MSI2: variants seen among roughly 807,000 people sequenced by gnomAD.
The protein encoded by MSI2 is musashi RNA binding protein 2, also known as RNA-binding protein Musashi homolog 2.
MSI2 carries 17 observed loss-of-function variants against 45.6 expected under a neutral mutation model. That is an observed-to-expected ratio of 0.37 (90% CI 0.26 to 0.56). MSI2 has a LOEUF of 0.56. MSI2 is among the 20% of genes least tolerant of loss of function. MSI2 has a pLI of 0.77. For synonymous variants in MSI2, 156 were observed against 158.2 expected (o/e 0.99, Z 0.11); for missense variants, 293 against 444.2 (o/e 0.66, Z 3.06).
chr17:57,618,173 G>C (rs935173774), intron 9 of MSI2: 3 of 152,072 alleles, frequency 2.0e-5, no homozygotes, highest in Non-Finnish European at 2.9e-5. Context: ...AGGAAAGCTT[G>C]AGCCCAGGAA....
At chr17:57,332,707 G>A (rs1480950291) in intron 5 of MSI2, among the ~76,000 whole-genome samples, 1 of 152,168 alleles carries the variant, frequency 6.6e-6, no homozygotes, top group South Asian at 2.1e-4. Flanking sequence ...GAAAGAGAGC[G>A]AGGCTGATTA....
At chr17:57,445,748 C>T (rs2084887520) in intron 6 of MSI2, among the ~76,000 whole-genome samples, 3 of 152,050 alleles carry the variant, frequency 2.0e-5, no homozygotes, top group South Asian at 2.1e-4. Context: ...GAATTCATAC[C>T]GAGTACTTAC....
chr17:57,445,446 T>A (rs2084879351), intron 6 of MSI2, among the ~76,000 whole-genome samples: 1 of 152,160 alleles, frequency 6.6e-6, no homozygotes, highest in Non-Finnish European at 1.5e-5. Flanking sequence ...CTGGGACTTT[T>A]GTCTGTCTAC....
chr17:57,534,917 A>G (rs1396707291), intron 7 of MSI2, among the ~76,000 whole-genome samples: 1 of 152,200 alleles, frequency 6.6e-6, no homozygotes, highest in Non-Finnish European at 1.5e-5. Context: ...GGATTTAATC[A>G]TTAGGAGGGG....
chr17:57,377,058 C>T (rs555945166), intron 5 of MSI2, among the ~76,000 whole-genome samples: 41 of 152,100 alleles, frequency 2.7e-4, no homozygotes, highest in African/African-American at 9.4e-4. Flanking sequence ...GTAGCTGGGA[C>T]TACAGGCGCC....
At chr17:57,350,434 A>T (rs1407853699) in intron 5 of MSI2, among the ~76,000 whole-genome samples, 2 of 152,146 alleles carry the variant, frequency 1.3e-5, no homozygotes. Flanking sequence ...CACTTGGAGT[A>T]CTGGATGGCC....
intron 6 of MSI2, among the ~76,000 whole-genome samples, chr17:57,417,308 C>G (rs886281802): frequency 2.6e-5 from 4 of 152,166 alleles, no homozygotes; most frequent in Non-Finnish European, 4.4e-5. Context: ...CCACACACCC[C>G]TGGATATCAC....
intron 5 of MSI2, among the ~76,000 whole-genome samples, chr17:57,336,428 C>G (rs990512569): frequency 2.0e-5 from 3 of 152,192 alleles, no homozygotes; most frequent in Non-Finnish European, 2.9e-5. Flanking sequence ...GGAGGAATGA[C>G]TCCATCTACT....
chr17:57,555,182 C>T (rs1001441026), intron 7 of MSI2, among the ~76,000 whole-genome samples: 1 of 152,220 alleles, frequency 6.6e-6, no homozygotes, highest in African/African-American at 2.4e-5. Flanking sequence ...CGGGCCCCAT[C>T]TCCCACACAT....
chr17:57,361,365 C>T lies in MSI2; in HGVS notation c.313-40014C>T, dbSNP rs116341293. ...CTTGTAAACCCAGTACTTTGGAAGGCCAAGGCGGGCAGATGGACTGAGCTC... is the reference window on the plus strand; with the variant it reads ...CTTGTAAACCCAGTACTTTGGAAGGTCAAGGCGGGCAGATGGACTGAGCTC... On this transcript the variant is annotated intron_variant, in intron 5 of 13. Coordinates refer to ENST00000284073, the MANE Select transcript of MSI2 (RefSeq NM_138962.4). 7.1e-3 allele frequency among the ~76,000 whole-genome samples: 1,077 copies of T among 151,968 alleles called. 14 individuals are homozygous for T. Among genetic ancestry groups the T allele is most frequent in the African/African-American group, 0.025 (1,029 of 41,388 alleles).
chr17:57,307,013 T>G (rs1911979018), intron 5 of MSI2, among the ~76,000 whole-genome samples: 1 of 152,258 alleles, frequency 6.6e-6, no homozygotes. Flanking sequence ...GAGGACTTGG[T>G]CTTTGATACA....
the MSI2 span, among the ~76,000 whole-genome samples, chr17:57,701,154 G>C: frequency 6.6e-6 from 1 of 152,154 alleles, no homozygotes; most frequent in African/African-American, 2.4e-5. Flanking sequence ...AGAGTGTTAG[G>C]AGGCAGCTGC....
At chr17:57,478,863 G>A (rs1459263776) in intron 6 of MSI2, among the ~76,000 whole-genome samples, 3 of 152,184 alleles carry the variant, frequency 2.0e-5, no homozygotes, top group Admixed American at 6.5e-5. Context: ...TTTAACCTGT[G>A]AGAGAGTCGC....
intron 5 of MSI2, among the ~76,000 whole-genome samples, chr17:57,334,449 A>C (rs957804988): frequency 3.9e-5 from 6 of 152,154 alleles, no homozygotes; most frequent in African/African-American, 1.4e-4. Flanking sequence ...GAGGACTGGC[A>C]GGGCAGCTGG....
chr17:57,654,214 G>A (rs1911412811), intron 11 of MSI2, among the ~76,000 whole-genome samples: 1 of 152,208 alleles, frequency 6.6e-6, no homozygotes, highest in Non-Finnish European at 1.5e-5. Flanking sequence ...GGTGTGTCAG[G>A]GGCTTGGGAT....
At chr17:57,434,924 G>A (rs1392539488) in intron 6 of MSI2, among the ~76,000 whole-genome samples, 1 of 152,066 alleles carries the variant, frequency 6.6e-6, no homozygotes, top group Non-Finnish European at 1.5e-5. Flanking sequence ...TTAGGCACTG[G>A]GGGATATAAG....
At chr17:57,262,031 G>C in intron 4 of MSI2, 120 bp from the exon 5 acceptor site, 1 of 1,054,064 alleles carries the variant, frequency 9.5e-7, no homozygotes, top group Admixed American at 2.1e-5. Flanking sequence ...AGTTGCCTGA[G>C]AAGTTACTAA....
chr17:57,458,349 C>T lies in MSI2; in HGVS notation c.405+56878C>T, dbSNP rs1406312103. On this transcript the variant is annotated intron_variant, in intron 6 of 13. Coordinates refer to ENST00000284073, the MANE Select transcript of MSI2 (RefSeq NM_138962.4). ...TCTCTTGACCTCGTGATCCACCCGC[C>T]TTGGCCTCCCAAAGTGCTGGGATTA... Among the ~76,000 whole-genome samples the T allele has an allele frequency of 2.6e-5, 4 of 152,296 alleles. No homozygotes were observed. The East Asian group carries it at 7.7e-4, about 29-fold the overall frequency.
intron 5 of MSI2, chr17:57,274,559 T>G (rs1185789942): frequency 2.0e-5 from 3 of 152,222 alleles, no homozygotes; most frequent in Non-Finnish European, 4.4e-5. Context: ...TTTGGGTAAG[T>G]GCTCCGTGCC....
Sources: gnomAD v4.1 joint callset for allele counts (sites outside exome capture counted in the v4.1 genomes callset) on GRCh38, gnomAD v4.1.1 for gene constraint, MANE v1.5 for transcripts, NCBI Gene and HGNC (gene_info 2026-07-23, HGNC 2026-07-21) for gene names.